COBL: variants seen among roughly 807,000 people sequenced by gnomAD.
COBL encodes protein cordon-bleu.
Under a neutral mutation model 98.8 loss-of-function variants are expected in COBL, and 51 were observed. The ratio of observed to expected loss-of-function variants is 0.52; its 90% CI spans 0.41 to 0.65. The LOEUF is 0.65. Ranked by LOEUF, COBL falls within the 30% of genes least tolerant of loss-of-function variation. The pLI, the probability that COBL is intolerant of heterozygous loss-of-function variation, is 0.00. For synonymous variants in COBL, 634 were observed against 651.7 expected (o/e 0.97, Z 0.41); for missense variants, 1,617 against 1,617.5 (o/e 1.00, Z 0.01).
intron 1 of COBL, among the ~76,000 whole-genome samples, chr7:51,278,508 G>A (rs6957605): frequency 0.014 from 2,163 of 150,126 alleles, 44 homozygotes; most frequent in African/African-American, 0.05. Context: ...ATCCTCCCAA[G>A]TAGCTGGGAT....
At chr7:51,066,518 T>G (rs1447690218) in intron 7 of COBL, among the ~76,000 whole-genome samples, 1 of 152,196 alleles carries the variant, frequency 6.6e-6, no homozygotes, top group Non-Finnish European at 1.5e-5. Flanking sequence ...AATATTAACT[T>G]GCTTTTGGTT....
At chr7:51,280,493 T>A (rs2129175674) in intron 1 of COBL, among the ~76,000 whole-genome samples, 1 of 152,186 alleles carries the variant, frequency 6.6e-6, no homozygotes, top group African/African-American at 2.4e-5. Context: ...GAGGATGGAG[T>A]AAACCCCACT....
chr7:51,110,594 A>C (rs1796734782), intron 6 of COBL, among the ~76,000 whole-genome samples: 1 of 152,136 alleles, frequency 6.6e-6, no homozygotes, highest in Admixed American at 6.5e-5. Context: ...TGGTTACATA[A>C]GTTCTTCAGT....
intron 1 of COBL, among the ~76,000 whole-genome samples, chr7:51,256,330 A>G (rs1797192011): frequency 6.6e-6 from 1 of 152,238 alleles, no homozygotes; most frequent in Non-Finnish European, 1.5e-5. Context: ...AATTCCCTGC[A>G]GGAGCCCGGG....
intron 1 of COBL, among the ~76,000 whole-genome samples, chr7:51,272,482 A>G (rs1255199851): frequency 1.3e-5 from 2 of 152,214 alleles, no homozygotes; most frequent in African/African-American, 4.8e-5. Context: ...AATCATCAGT[A>G]TTTATCTCCC....
intron 5 of COBL, among the ~76,000 whole-genome samples, chr7:51,161,084 C>T (rs1403311988): frequency 7.9e-5 from 12 of 152,156 alleles, no homozygotes; most frequent in Admixed American, 6.5e-5. Flanking sequence ...CTCATAAACA[C>T]GTGGCTCAGC....
chr7:51,310,682 GAC>G (rs971596701), intron 1 of COBL, among the ~76,000 whole-genome samples: 2 of 152,128 alleles, frequency 1.3e-5, no homozygotes, highest in Non-Finnish European at 2.9e-5. Flanking sequence ...GTTTTTTTGA[GAC>G]AGAGTCTCTT....
At chr7:51,181,993 G>A (rs1789012426) in intron 5 of COBL, among the ~76,000 whole-genome samples, 2 of 152,180 alleles carry the variant, frequency 1.3e-5, no homozygotes, top group African/African-American at 4.8e-5. Context: ...AGCTTTTTAG[G>A]TGACCTTACT....
At chr7:51,084,465 A>G (rs79165779) in intron 7 of COBL, among the ~76,000 whole-genome samples, 12,607 of 152,194 alleles carry the variant, frequency 0.083, 748 homozygotes, top group South Asian at 0.12. Context: ...CTGTTCCAAC[A>G]TAAGTGAAAT....
chr7:51,205,457 T>C (rs1791577321), intron 2 of COBL, among the ~76,000 whole-genome samples: 2 of 151,228 alleles, frequency 1.3e-5, no homozygotes, highest in African/African-American at 4.9e-5. Flanking sequence ...AAACTGAATA[T>C]CCATATGCAG....
chr7:51,252,917 A>G (rs1173875736), intron 1 of COBL, among the ~76,000 whole-genome samples: 1 of 152,210 alleles, frequency 6.6e-6, no homozygotes, highest in African/African-American at 2.4e-5. Flanking sequence ...TTGCAAAATG[A>G]TGATTTTTAA....
At chr7:51,270,384 T>TAGC in intron 1 of COBL, among the ~76,000 whole-genome samples, 1 of 152,344 alleles carries the variant, frequency 6.6e-6, no homozygotes, top group African/African-American at 2.4e-5. Context: ...TTCCTCAATA[T>TAGC]GCTCATTCAT....
chr7:51,201,140 T>C (rs1399815471), intron 2 of COBL, among the ~76,000 whole-genome samples: 2 of 150,324 alleles, frequency 1.3e-5, no homozygotes, highest in Non-Finnish European at 2.9e-5. Context: ...CTTGGGAGGC[T>C]GAGGCAGAAG....
At chr7:51,231,368 A>C (rs1053996034) in intron 1 of COBL, among the ~76,000 whole-genome samples, 1 of 152,196 alleles carries the variant, frequency 6.6e-6, no homozygotes, top group Non-Finnish European at 1.5e-5. Flanking sequence ...CTGTCTAGTA[A>C]GGACATCACA....
intron 5 of COBL, among the ~76,000 whole-genome samples, chr7:51,164,528 C>G (rs1401117538): frequency 6.6e-6 from 1 of 151,960 alleles, no homozygotes; most frequent in African/African-American, 2.4e-5. Flanking sequence ...GCGAAAATAT[C>G]CTTCGGACAT....
chr7:51,132,009 G>C (rs939245894), intron 6 of COBL, among the ~76,000 whole-genome samples: 3 of 152,224 alleles, frequency 2.0e-5, no homozygotes, highest in African/African-American at 7.2e-5. Flanking sequence ...GCTGAGAAGG[G>C]AAAATACCAC....
chr7:51,178,701 T>C (rs1315851935), intron 5 of COBL, among the ~76,000 whole-genome samples: 1 of 152,030 alleles, frequency 6.6e-6, no homozygotes, highest in East Asian at 1.9e-4. Context: ...CTCCGCCCCC[T>C]GGGTTCAACC....
chr7:51,063,283 C>G (rs1440779067), intron 7 of COBL, among the ~76,000 whole-genome samples: 3 of 152,006 alleles, frequency 2.0e-5, no homozygotes, highest in African/African-American at 7.2e-5. Context: ...TACAGGCACC[C>G]ACCACCGCGC....
chr7:51,181,578 C>T (rs926948744), intron 5 of COBL, among the ~76,000 whole-genome samples: 2 of 152,212 alleles, frequency 1.3e-5, no homozygotes, highest in Admixed American at 6.5e-5. Flanking sequence ...CTTGTAACTA[C>T]GGCTGAATGG....
Sources: gnomAD v4.1 joint callset for allele counts (sites outside exome capture counted in the v4.1 genomes callset) on GRCh38, gnomAD v4.1.1 for gene constraint, MANE v1.5 for transcripts, NCBI Gene and HGNC (gene_info 2026-07-23, HGNC 2026-07-21) for gene names.